The following PPARGC1B variants were observed in gnomAD, a reference collection of about 807,000 sequenced individuals.
PPARGC1B encodes peroxisome proliferator-activated receptor gamma coactivator 1-beta.
In PPARGC1B, 34 loss-of-function variants were observed where a neutral mutation model predicts 101.6. That is an observed-to-expected ratio of 0.33 (90% confidence interval 0.25 to 0.45). The LOEUF (loss-of-function observed/expected upper bound fraction) is 0.45. Among genes scored for constraint, PPARGC1B ranks in the 20% least tolerant of loss-of-function variants. The pLI is 1.00. For synonymous variants in PPARGC1B, 548 were observed against 539.3 expected (o/e 1.02, Z -0.22); for missense variants, 1,234 against 1,317.6 (o/e 0.94, Z 0.98).
At chr5:149,802,510 G>A (rs1328710843) in intron 1 of PPARGC1B, among the ~76,000 whole-genome samples, 3 of 151,756 alleles carry the variant, frequency 2.0e-5, no homozygotes, top group Admixed American at 2.0e-4. Context: ...AGATGTGCAG[G>A]CAGGATTTGG....
intron 1 of PPARGC1B, among the ~76,000 whole-genome samples, chr5:149,799,690 G>GTTTTTTTTTTTTTTTTTTTTTTTTTTT (rs369350284): frequency 3.1e-5 from 2 of 65,052 alleles, no homozygotes; most frequent in Non-Finnish European, 3.0e-5. Flanking sequence ...TTTGCTTGTT[G>GTTTTTTTTTTTTTTTTTTTTTTTTTTT]TTGTTTTTTT....
At chr5:149,780,870 T>C (rs947498801) in intron 1 of PPARGC1B, among the ~76,000 whole-genome samples, 1 of 152,118 alleles carries the variant, frequency 6.6e-6, no homozygotes, top group African/African-American at 2.4e-5. Flanking sequence ...GTGGCACTGG[T>C]AAGTGGAGGT....
intron 1 of PPARGC1B, among the ~76,000 whole-genome samples, chr5:149,746,999 A>T (rs1001091211): frequency 2.6e-5 from 4 of 152,150 alleles, no homozygotes; most frequent in Non-Finnish European, 5.9e-5. Context: ...TGAGATACTA[A>T]TCTCATCAGA....
At chr5:149,780,543 T>A (rs1756560267) in intron 1 of PPARGC1B, among the ~76,000 whole-genome samples, 1 of 152,204 alleles carries the variant, frequency 6.6e-6, no homozygotes, top group African/African-American at 2.4e-5. Flanking sequence ...TGATCTGTTA[T>A]TCCTGTTGTT....
At position 149,788,533 on chromosome 5, in the gene PPARGC1B, C is replaced by G. The variant is rs905947805; in HGVS notation, c.79-31900C>G. On this transcript the variant is annotated intron_variant, in intron 1 of 11. Coordinates refer to ENST00000309241, the MANE Select transcript of PPARGC1B (RefSeq NM_133263.4). ...GACAGTGTGGCGATTCCTTAAGGAT[C>G]TAGAACTAGAAATAACATTTGACCC... 2.0e-5 allele frequency among the ~76,000 whole-genome samples: 3 copies of G among 152,166 alleles called. 1 individual carries two copies. In the East Asian group the frequency reaches 5.8e-4, roughly 29 times the overall value.
At chr5:149,750,148 G>A (rs1431921020) in intron 1 of PPARGC1B, among the ~76,000 whole-genome samples, 2 of 152,092 alleles carry the variant, frequency 1.3e-5, no homozygotes, top group African/African-American at 4.8e-5. Flanking sequence ...AAACGAGTGG[G>A]TTTGGAAGGA....
chr5:149,766,963 G>C (rs1209326098), intron 1 of PPARGC1B, among the ~76,000 whole-genome samples: 2 of 152,194 alleles, frequency 1.3e-5, no homozygotes, highest in African/African-American at 4.8e-5. Flanking sequence ...GAACCAGCAT[G>C]TTCCTTTCCA....
At chr5:149,766,876 G>A (rs1257645075) in intron 1 of PPARGC1B, among the ~76,000 whole-genome samples, 1 of 152,228 alleles carries the variant, frequency 6.6e-6, no homozygotes, top group Non-Finnish European at 1.5e-5. Flanking sequence ...AGAGAAGCAG[G>A]TTTCCTGCTT....
chr5:149,832,563 AGACACAATGG>A lies in PPARGC1B; in HGVS notation c.583-91_583-82del. 1 of 1,041,570 alleles carries A rather than the reference AGACACAATGG, an allele frequency of 9.6e-7. No homozygotes were observed. The highest frequency in any genetic ancestry group is 1.4e-6 in the Non-Finnish European group (1 of 719,760). 64.5% of individuals were successfully genotyped at this position (1,041,570 alleles called of 1,614,324 possible). A position where few individuals can be genotyped will look rare whatever the true frequency, so the allele number is the denominator to read the frequency against. ...CCTGGCTGTTCCTATGATCCAGGTG[AGACACAATGG>A]GCCAGCCAGTGACCATGCGGATGAG... On this transcript the variant is annotated intron_variant, in intron 4 of 11. Coordinates refer to ENST00000309241, the MANE Select transcript of PPARGC1B (RefSeq NM_133263.4). This position sits in a 1 kb window ranked among gnomAD's most constrained non-coding sequence, Gnocchi z 4.9.
In PPARGC1B at chr5:149,837,128, G is replaced by T. The variant is rs945468259; in HGVS notation, c.2618+55G>T. 1 of 1,533,110 alleles carries T rather than the reference G, an allele frequency of 6.5e-7. No homozygotes were observed. The highest frequency in any genetic ancestry group is 1.4e-5 in the African/African-American group (1 of 72,280). The allele number at this position is 1,533,110 out of a possible 1,614,324, so 95.0% of individuals were successfully genotyped here. Reference sequence around the variant, plus strand: ...CGGGCAGTGGAGGATCCCAGTTCCCGGGGAGCCAGGAGCCCCAGGAGGGAG... The same window carrying T: ...CGGGCAGTGGAGGATCCCAGTTCCCTGGGAGCCAGGAGCCCCAGGAGGGAG... On this transcript the variant is annotated intron_variant, in intron 8 of 11. Coordinates refer to ENST00000309241, the MANE Select transcript of PPARGC1B (RefSeq NM_133263.4). The surrounding 1 kb of genome is among the most constrained non-coding windows in gnomAD (Gnocchi z 4.2).
intron 1 of PPARGC1B, 24 bp from the exon 2 acceptor site, chr5:149,820,409 C>T (rs2113354912): frequency 6.2e-7 from 1 of 1,609,940 alleles, no homozygotes; most frequent in Non-Finnish European, 8.5e-7. Flanking sequence ...CTCTGATCCA[C>T]CTCTTTCCTT....
At chr5:149,836,088 C>T (rs545879187) in intron 7 of PPARGC1B, among the ~76,000 whole-genome samples, 175 bp from the exon 8 acceptor site, 15 of 151,744 alleles carry the variant, frequency 9.9e-5, no homozygotes, top group African/African-American at 1.9e-4. Context: ...ATGATTTCAC[C>T]GTGTTGGCCA....
intron 1 of PPARGC1B, among the ~76,000 whole-genome samples, chr5:149,795,640 G>T (rs993756911): frequency 6.6e-6 from 1 of 152,128 alleles, no homozygotes; most frequent in Non-Finnish European, 1.5e-5. Flanking sequence ...GCTCCTCAGG[G>T]CAGAGGACGC....
At position 149,822,417 on chromosome 5, in the gene PPARGC1B, C is replaced by G. The variant is rs970006822; in HGVS notation, c.252+1811C>G. The stretch of plus-strand genomic sequence containing the variant: ...CCCTTTCATGGGCTGCACACTCCAC[C>G]AGCTCTCCTGAGACTAGACTAGCTC... On this transcript the variant is annotated intron_variant, in intron 2 of 11. Coordinates refer to ENST00000309241, the MANE Select transcript of PPARGC1B (RefSeq NM_133263.4). Among the ~76,000 whole-genome samples, 60 of 152,176 alleles carry G rather than the reference C, an allele frequency of 3.9e-4. 1 individual carries two copies.
At chr5:149,817,907 A>G in intron 1 of PPARGC1B, 1 of 440,474 alleles carries the variant, frequency 2.3e-6, no homozygotes, top group Non-Finnish European at 4.6e-6. Flanking sequence ...TCCAAACAAG[A>G]CTTGTATGCA....
chr5:149,772,916 A>G (rs116812027), intron 1 of PPARGC1B, among the ~76,000 whole-genome samples: 1 of 152,262 alleles, frequency 6.6e-6, no homozygotes, highest in Non-Finnish European at 1.5e-5. Context: ...TGTGTTTAGT[A>G]TGATGGTATC....
chr5:149,852,626 G>T lies in PPARGC1B; in HGVS notation c.*5068G>T, dbSNP rs1759806944. The T allele has an allele frequency of 6.6e-6, 1 of 151,708 alleles. No homozygotes were observed. The highest frequency in any genetic ancestry group is 6.6e-5 in the Admixed American group (1 of 15,232). 9.4% of individuals were successfully genotyped at this position (151,708 alleles called of 1,614,324 possible). A position where few individuals can be genotyped will look rare whatever the true frequency, so the allele number is the denominator to read the frequency against. On this transcript the variant is annotated 3_prime_UTR_variant, in exon 12 of 12. Coordinates refer to ENST00000309241, the MANE Select transcript of PPARGC1B (RefSeq NM_133263.4). Reference sequence around the variant, plus strand: ...CAAATCTCACATTAACCTTGTCTTTGTCCCCACTGGATAGCTGTTAATCCG... The same window carrying T: ...CAAATCTCACATTAACCTTGTCTTTTTCCCCACTGGATAGCTGTTAATCCG...
intron 3 of PPARGC1B, 95 bp downstream of exon 3, chr5:149,826,980 C>A: frequency 1.0e-6 from 1 of 953,236 alleles, no homozygotes; most frequent in Non-Finnish European, 1.6e-6. Flanking sequence ...TCCAGCCCCG[C>A]AGGGGACTCC....
At chr5:149,746,298 TTC>T (rs1755087438) in intron 1 of PPARGC1B, among the ~76,000 whole-genome samples, 1 of 152,210 alleles carries the variant, frequency 6.6e-6, no homozygotes, top group Non-Finnish European at 1.5e-5. Flanking sequence ...CCATTCTACT[TTC>T]TGTCTCTATG....
Sources: gnomAD v4.1 joint callset for allele counts (sites outside exome capture counted in the v4.1 genomes callset) on GRCh38, gnomAD v4.1.1 for gene constraint, Gnocchi (gnomAD v3.1) non-coding constraint, MANE v1.5 for transcripts, NCBI Gene and HGNC (gene_info 2026-07-23, HGNC 2026-07-21) for gene names.